RNF123: variants seen among roughly 807,000 people sequenced by gnomAD.
The protein encoded by RNF123 is E3 ubiquitin-protein ligase RNF123.
RNF123 carries 86 observed loss-of-function variants against 168.5 expected under a neutral mutation model. The observed-to-expected ratio is 0.51, with a 90% CI of 0.43 to 0.61. RNF123 has a LOEUF of 0.61. Among genes scored for constraint, RNF123 ranks in the 20% least tolerant of loss-of-function variants. RNF123 has a pLI of 0.00. For synonymous variants in RNF123, 666 were observed against 689.1 expected, an observed-to-expected ratio of 0.97 and a Z score of 0.52; for missense variants, 1,419 against 1,729.7, an observed-to-expected ratio of 0.82 and a Z score of 3.19.
chr3:49,719,110 TTAGATG>T, intron 35 of RNF123: 1 of 1,613,532 alleles, frequency 6.2e-7, no homozygotes, highest in Middle Eastern at 1.6e-4. Flanking sequence ...CCGCAACGTG[TTAGATG>T]ATAGATCGAG....
At chr3:49,718,442 C>G (rs780864622) in intron 35 of RNF123, 1 of 1,612,974 alleles carries the variant, frequency 6.2e-7, no homozygotes, top group Non-Finnish European at 8.5e-7. Context: ...TGCTCCTGTA[C>G]GTTGCCTATG....
chr3:49,697,411 C>T lies in RNF123; in HGVS notation c.296C>T (p.Thr99Ile), dbSNP rs763693054. 1.2e-5 allele frequency: 19 copies of T among 1,610,956 alleles called. No homozygotes were observed. Among genetic ancestry groups the T allele is most frequent in the South Asian group, 2.2e-5 (2 of 90,632 alleles). The change falls in exon 5 of 39, where the codon ACA becomes ATA. Residue 99 changes from threonine (T) to isoleucine (I), a missense_variant. By Grantham distance (89) the Thr-to-Ile change is moderately conservative. Coordinates refer to ENST00000327697, the MANE Select transcript of RNF123 (RefSeq NM_022064.5). ...CCATCCACTGTGGTCCTGGACCACA[C>T]AGGCGGCTTTGAGGGGCTTCTCCTG... ...LGPSTVVLDHTGGFEGLLLVD... is the reference protein window; with the variant it reads ...LGPSTVVLDHIGGFEGLLLVD...
chr3:49,712,859 C>G (rs2080170618), intron 27 of RNF123: 2 of 713,590 alleles, frequency 2.8e-6, no homozygotes, highest in Non-Finnish European at 5.1e-6. Flanking sequence ...GCCAACAGCT[C>G]CCTAGCAAAG....
rs2054532934 is a variant in RNF123 at position 49,707,048 on chromosome 3, C to T, written c.2496+150C>T. 4.5e-6 allele frequency: 3 copies of T among 663,820 alleles called. No homozygotes were observed. The South Asian group carries it at 5.3e-5, about 12-fold the overall frequency. The allele number at this position is 663,820 out of a possible 1,614,324, so 41.1% of individuals were successfully genotyped here. On this transcript the variant is annotated intron_variant, in intron 26 of 38. Coordinates refer to ENST00000327697, the MANE Select transcript of RNF123 (RefSeq NM_022064.5). ...CACTTCAGACTCCATCACCCCATGCCATGTCCCCTGTACCCCTCATGCTCT... is the reference window on the plus strand; with the variant it reads ...CACTTCAGACTCCATCACCCCATGCTATGTCCCCTGTACCCCTCATGCTCT...
chr3:49,710,916 C>T lies in RNF123; in HGVS notation c.2497-1563C>T, dbSNP rs994289098. 5.9e-5 allele frequency among the ~76,000 whole-genome samples: 9 copies of T among 152,180 alleles called. No individual in the cohort carries two copies. The East Asian group carries it at 1.5e-3, about 26-fold the overall frequency. Reference sequence around the variant, plus strand: ...GTTGAACTGCCTTCATTCTCTGCATCTTCAGCACTAACTCACCTGTGTCTT... The same window carrying T: ...GTTGAACTGCCTTCATTCTCTGCATTTTCAGCACTAACTCACCTGTGTCTT... On this transcript the variant is annotated intron_variant, in intron 26 of 38. Coordinates refer to ENST00000327697, the MANE Select transcript of RNF123 (RefSeq NM_022064.5).
chr3:49,717,729 C>A (rs986733619), intron 35 of RNF123: 3 of 607,888 alleles, frequency 4.9e-6, no homozygotes, highest in Admixed American at 3.0e-5. Flanking sequence ...GGGCCTGGGG[C>A]CTTTGGGTCC....
chr3:49,718,967 T>G (rs549599927), intron 35 of RNF123: 1 of 1,613,800 alleles, frequency 6.2e-7, no homozygotes, highest in South Asian at 1.1e-5. Flanking sequence ...GCGAGTTCGT[T>G]GCAGCCCAGG....
chr3:49,700,187 T>C, intron 12 of RNF123, 40 bp from the exon 13 acceptor site: 18 of 1,611,050 alleles, frequency 1.1e-5, no homozygotes, highest in Non-Finnish European at 1.5e-5. Context: ...TTGACCAGAG[T>C]GGAAGGCCAC....
At position 49,713,763 on chromosome 3, in the gene RNF123, C is replaced by G; in HGVS notation, c.2775C>G (p.Ala925=). ...GTDIRDSLMQ[A]LASYVCYPHS... ...ACATCCGAGACTCACTGATGCAGGC[C>G]CTGGCCAGCTACGTGTGCTACCCAC... The change falls in exon 29 of 39, where the codon GCC becomes GCG. Residue 925 remains alanine (A), a synonymous_variant. Transcript: ENST00000327697. 1 of 1,608,232 alleles carries G rather than the reference C, an allele frequency of 6.2e-7. No individual in the cohort carries two copies. The highest frequency in any genetic ancestry group is 8.5e-7 in the Non-Finnish European group (1 of 1,177,608).
chr3:49,699,737 C>T lies in RNF123; in HGVS notation c.949C>T (p.Leu317=). ...LRGQPTVLLT[L]AHIFHHFAPL... ...GGGCCAGCCCACCGTCCTCCTCACA[C>T]TGGCCCACATCTTCCATCACTTTGC... Residue 317 remains leucine, a synonymous_variant, in exon 12 of 39, where the codon CTG becomes TTG. Coordinates refer to ENST00000327697, the MANE Select transcript of RNF123 (RefSeq NM_022064.5). This position sits in a 1 kb window ranked among gnomAD's most constrained non-coding sequence, Gnocchi z 4.8. The T allele has an allele frequency of 1.2e-6, 2 of 1,613,758 alleles. No homozygotes were observed. Among genetic ancestry groups the T allele is most frequent in the Non-Finnish European group, 1.7e-6 (2 of 1,180,014 alleles).
In RNF123 at chr3:49,713,740, A is replaced by C. The variant is rs1399343222; in HGVS notation, c.2752A>C (p.Ile918Leu). Residue 918 changes from isoleucine (I) to leucine (L), a missense_variant and splice_region_variant, in exon 29 of 39, where the codon ATC (isoleucine) becomes CTC (leucine). By Grantham distance (5) the Ile-to-Leu change is conservative. This residue lies in a region of RNF123 where 538 missense variants were observed against 708.8 expected (regional missense o/e 0.76). Transcript: ENST00000327697. ...TGAGGCACGGTGTGTCCCCGCAGACATCCGAGACTCACTGATGCAGGCCCT... is the reference window on the plus strand; with the variant it reads ...TGAGGCACGGTGTGTCCCCGCAGACCTCCGAGACTCACTGATGCAGGCCCT... ...FADARIVGTD[I>L]RDSLMQALAS... The C allele has an allele frequency of 2.5e-6, 4 of 1,599,986 alleles. No individual in the cohort carries two copies. Among genetic ancestry groups the C allele is most frequent in the Non-Finnish European group, 3.4e-6 (4 of 1,173,716 alleles).
chr3:49,697,710 C>T (rs2054296018), intron 5 of RNF123, among the ~76,000 whole-genome samples, 175 bp from the exon 6 acceptor site: 1 of 152,224 alleles, frequency 6.6e-6, no homozygotes, highest in Admixed American at 6.5e-5. Context: ...TGCCTTGGCC[C>T]AGGATCCTTC....
chr3:49,709,102 G>A (rs370922623), intron 26 of RNF123, among the ~76,000 whole-genome samples: 6 of 144,482 alleles, frequency 4.2e-5, no homozygotes, highest in East Asian at 4.2e-4. Context: ...CTACAGGTGC[G>A]CACCACCATG....
rs564821123 is a variant in RNF123, at chr3:49,720,435, C to G, written c.3501-76C>G. 1.0e-3 allele frequency: 1,478 copies of G among 1,442,188 alleles called. 4 individuals carry two copies. Among genetic ancestry groups the G allele is most frequent in the Middle Eastern group, 8.3e-3 (45 of 5,400 alleles). The allele number at this position is 1,442,188 out of a possible 1,614,324, so 89.3% of individuals were successfully genotyped here. The stretch of plus-strand genomic sequence containing the variant: ...TGATCATGTACGAGCCATGGCACTC[C>G]TCATTGGCAATCCCAAGAGAGACTT... On this transcript the variant is annotated intron_variant, in intron 35 of 38. Transcript: ENST00000327697.
chr3:49,696,892 C>T lies in RNF123; in HGVS notation c.168-251C>T, dbSNP rs1476508307. On this transcript the variant is annotated intron_variant, in intron 3 of 38. Coordinates refer to ENST00000327697, the MANE Select transcript of RNF123 (RefSeq NM_022064.5). ...AACTCCTGACCTCAGGTGATCTGCC[C>T]GCCTCGGCCTCCCAAAGTGCTGGGA... Among the ~76,000 whole-genome samples the T allele has an allele frequency of 1.6e-4, 25 of 152,236 alleles. No individual in the cohort carries two copies. In the Middle Eastern group the frequency reaches 0.01, roughly 62 times the overall value.
chr3:49,719,796 C>A (rs767735756), intron 35 of RNF123: 1 of 274,406 alleles, frequency 3.6e-6, no homozygotes, highest in African/African-American at 2.2e-5. Flanking sequence ...GCCCAATGGC[C>A]CCGCATGACC....
intron 8 of RNF123, 45 bp from the exon 9 acceptor site, chr3:49,698,710 G>A (rs368827884): frequency 8.1e-5 from 130 of 1,601,046 alleles, no homozygotes; most frequent in Admixed American, 6.7e-5. Flanking sequence ...GAGTCAGCAG[G>A]CTGCTGGGCT....
intron 3 of RNF123, among the ~76,000 whole-genome samples, chr3:49,693,739 C>T (rs1190291480): frequency 1.3e-5 from 2 of 152,152 alleles, no homozygotes; most frequent in Non-Finnish European, 2.9e-5. Flanking sequence ...TAACAGCATA[C>T]AGGGGTTCCA....
At chr3:49,702,791 C>T (rs2054432812) in intron 20 of RNF123, 38 bp downstream of exon 20, 1 of 1,613,422 alleles carries the variant, frequency 6.2e-7, no homozygotes, top group East Asian at 2.2e-5. Flanking sequence ...TGAGGCTGGA[C>T]AGAGCCAGGC....
Sources: allele counts gnomAD v4.1 joint callset (sites outside exome capture counted in the v4.1 genomes callset), GRCh38; gene constraint gnomAD v4.1.1; regional missense constraint gnomAD v4.1.1; non-coding constraint Gnocchi (gnomAD v3.1); transcripts MANE v1.5; gene names NCBI Gene and HGNC (gene_info 2026-07-23, HGNC 2026-07-21).